RPS6KA6: variants seen among roughly 807,000 people sequenced by gnomAD.
RPS6KA6 encodes ribosomal protein S6 kinase A6, also known as ribosomal protein S6 kinase alpha-6.
In RPS6KA6, 27 loss-of-function variants were observed where a neutral mutation model predicts 65.4. That is an observed-to-expected ratio of 0.41 (90% CI 0.30 to 0.57). The LOEUF is 0.57. Ranked by LOEUF, RPS6KA6 falls within the 20% of genes least tolerant of loss-of-function variation. The pLI is 0.24. For missense variants in RPS6KA6, 486 were observed against 555.6 expected, an observed-to-expected ratio of 0.87 and a Z score of 1.26; for synonymous variants, 190 against 184.2, an observed-to-expected ratio of 1.03 and a Z score of -0.26.
intron 14 of RPS6KA6, 134 bp downstream of exon 14, chrX:84,106,776 T>C (rs1427400888): frequency 3.7e-6 from 2 of 536,823 alleles, no homozygotes; most frequent in Non-Finnish European, 5.8e-6. Context: ...CAGGGACATA[T>C]TTAATTCATG....
In RPS6KA6 at chrX:84,188,001, C is replaced by G; in HGVS notation, c.-102G>C. On this transcript the variant is annotated 5_prime_UTR_variant, in exon 1 of 22. Coordinates refer to ENST00000262752, the MANE Select transcript of RPS6KA6 (RefSeq NM_014496.5). ...CCGCCGCCGCCGCCGCCGCCGCCGC[C>G]GCCGCCGCGACCCCCAGCCCCGCCT... 1.6e-6 allele frequency: 1 copy of G among 629,272 alleles called. No homozygotes were observed. The allele number at this position is 629,272 out of a possible 1,213,427, so 51.9% of individuals were successfully genotyped here. A position where few individuals can be genotyped will look rare whatever the true frequency, so the allele number is the denominator to read the frequency against.
At chrX:84,173,272 T>C (rs1488040553) in intron 1 of RPS6KA6, among the ~76,000 whole-genome samples, 1 of 111,316 alleles carries the variant, frequency 9.0e-6, no homozygotes, top group Admixed American at 9.7e-5. Context: ...AGGCATAGTA[T>C]GTCATGAAAA....
At chrX:84,136,684 T>C (rs1413576530) in intron 6 of RPS6KA6, among the ~76,000 whole-genome samples, 1 of 111,513 alleles carries the variant, frequency 9.0e-6, no homozygotes, top group African/African-American at 3.2e-5. Context: ...TGCAAGCCTA[T>C]CACCTTGTCA....
chrX:84,065,282 G>A (rs1320574739), intron 20 of RPS6KA6, among the ~76,000 whole-genome samples, 171 bp from the exon 21 acceptor site: 1 of 111,739 alleles, frequency 8.9e-6, no homozygotes, highest in African/African-American at 3.3e-5. Context: ...AATCTTGAGA[G>A]ATATTTTTCA....
chrX:84,184,392 C>G (rs1050314887), intron 1 of RPS6KA6, among the ~76,000 whole-genome samples: 1 of 112,511 alleles, frequency 8.9e-6, no homozygotes, highest in Admixed American at 9.4e-5. Flanking sequence ...CTATTGTGTA[C>G]TAGAGACTAA....
chrX:84,182,754 G>A (rs187682655), intron 1 of RPS6KA6, among the ~76,000 whole-genome samples: 1 of 111,820 alleles, frequency 8.9e-6, no homozygotes, highest in Non-Finnish European at 1.9e-5. Flanking sequence ...GCAGGGAGGG[G>A]CCACTGCCCT....
upstream of RPS6KA6, among the ~76,000 whole-genome samples, chrX:84,188,306 G>A (rs1227056139): frequency 9.3e-6 from 1 of 108,079 alleles, no homozygotes; most frequent in Non-Finnish European, 1.9e-5. Context: ...CACGGCGGCG[G>A]CACAGCGGCG....
chrX:84,120,115 TACA>T, intron 8 of RPS6KA6, 88 bp from the exon 9 acceptor site: 1 of 626,299 alleles, frequency 1.6e-6, no homozygotes. Flanking sequence ...TATTAAACAT[TACA>T]ATTATTTATG....
At chrX:84,134,218 A>G (rs1186373950) in intron 8 of RPS6KA6, among the ~76,000 whole-genome samples, 1 of 111,829 alleles carries the variant, frequency 8.9e-6, no homozygotes, top group African/African-American at 3.2e-5. Context: ...ATGACAATTT[A>G]CATTTATCCA....
At chrX:84,180,222 T>C (rs1324214663) in intron 1 of RPS6KA6, among the ~76,000 whole-genome samples, 2 of 111,827 alleles carry the variant, frequency 1.8e-5, no homozygotes, top group East Asian at 5.6e-4. Context: ...TTTTCACTTA[T>C]GTCTTAATGA....
chrX:84,107,711 T>C lies in RPS6KA6; in HGVS notation c.1023A>G (p.Arg341=), dbSNP rs759359251. The part of the protein sequence containing the change: ...ANIDWDKLYK[R]EVQPPFKPAS... ...CAGGTTTGAAAGGAGGTTGAACTTC[T>C]CTTTTATATAATTTCTAGAAGGGAC... Residue 341 remains arginine, a synonymous_variant, in exon 13 of 22, where the codon AGA becomes AGG. Transcript: ENST00000262752. The C allele has an allele frequency of 1.3e-5, 15 of 1,146,164 alleles. No homozygotes were observed. The Admixed American group carries it at 2.2e-4, about 17-fold the overall frequency. The allele number at this position is 1,146,164 out of a possible 1,213,427, so 94.5% of individuals were successfully genotyped here.
intron 20 of RPS6KA6, among the ~76,000 whole-genome samples, chrX:84,075,062 G>A (rs140390257): frequency 0.049 from 5,446 of 110,612 alleles, 192 homozygotes; most frequent in East Asian, 0.2. Context: ...GTGAAACCCC[G>A]TCTCTACTAA....
chrX:84,187,781 G>C (rs1243616904), intron 1 of RPS6KA6, 38 bp downstream of exon 1: 2 of 1,162,676 alleles, frequency 1.7e-6, no homozygotes, highest in Non-Finnish European at 2.3e-6. Context: ...GGAAGGAGGC[G>C]GGGGTTGGCT....
intron 20 of RPS6KA6, among the ~76,000 whole-genome samples, chrX:84,067,220 C>T (rs1156702918): frequency 1.8e-5 from 2 of 111,518 alleles, no homozygotes; most frequent in Non-Finnish European, 3.8e-5. Context: ...GCCTATTTTC[C>T]CCCAAATGAT....
intron 8 of RPS6KA6, among the ~76,000 whole-genome samples, chrX:84,124,897 C>T (rs1264286356): frequency 9.0e-6 from 1 of 111,722 alleles, no homozygotes; most frequent in African/African-American, 3.3e-5. Context: ...ATAAAGTATC[C>T]TAAAAGCAGC....
intron 12 of RPS6KA6, among the ~76,000 whole-genome samples, chrX:84,114,516 A>C (rs78246248): frequency 9.2e-6 from 1 of 109,219 alleles, no homozygotes; most frequent in Non-Finnish European, 1.9e-5. Flanking sequence ...AAACAACAAC[A>C]AAAAAAAACA....
chrX:84,135,546 T>C (rs2147515669), intron 6 of RPS6KA6, among the ~76,000 whole-genome samples: 1 of 111,793 alleles, frequency 8.9e-6, no homozygotes, highest in African/African-American at 3.2e-5. Flanking sequence ...AATACCAATA[T>C]TAATTATAGT....
chrX:84,146,185 C>T (rs953928559), intron 5 of RPS6KA6, among the ~76,000 whole-genome samples: 15 of 111,169 alleles, frequency 1.3e-4, no homozygotes, highest in African/African-American at 3.6e-4. Flanking sequence ...ACTACAGACA[C>T]GGGAAGGTCT....
chrX:84,168,906 C>G (rs2035638005), intron 1 of RPS6KA6, among the ~76,000 whole-genome samples: 1 of 111,685 alleles, frequency 9.0e-6, no homozygotes, highest in Non-Finnish European at 1.9e-5. Flanking sequence ...CTCAAGGTAT[C>G]AGGTTTTCAA....
Sources: gnomAD v4.1 joint callset for allele counts (sites outside exome capture counted in the v4.1 genomes callset) on GRCh38, gnomAD v4.1.1 for gene constraint, MANE v1.5 for transcripts, NCBI Gene and HGNC (gene_info 2026-07-23, HGNC 2026-07-21) for gene names.